The following CSMD1 variants were observed in gnomAD, a reference collection of about 807,000 sequenced individuals.
The protein encoded by CSMD1 is CUB and Sushi multiple domains 1.
Under a neutral mutation model 417.5 loss-of-function variants are expected in CSMD1, and 213 were observed. The observed-to-expected ratio is 0.51, with a 90% CI of 0.46 to 0.57. The LOEUF (loss-of-function observed/expected upper bound fraction) is 0.57, where lower values mean the gene tolerates loss of function less well. Among genes scored for constraint, CSMD1 ranks in the 20% least tolerant of loss-of-function variants. CSMD1 has a pLI of 0.00. For synonymous variants in CSMD1, 2,862 were observed against 1,736.8 expected (o/e 1.65, Z -16.11); for missense variants, 6,923 against 4,529.7 (o/e 1.53, Z -15.17).
At chr8:4,133,233 G>C (rs958186690) in intron 3 of CSMD1, among the ~76,000 whole-genome samples, 2 of 152,134 alleles carry the variant, frequency 1.3e-5, no homozygotes, top group African/African-American at 4.8e-5. Flanking sequence ...ACCATGCCCA[G>C]CTGGTAAACA....
rs760945321 is a variant in CSMD1 at position 3,151,370 on chromosome 8, T to A, written c.6031+27A>T. The stretch of plus-strand genomic sequence containing the variant: ...AGATGGAAATGAAAAAAATGAACTT[T>A]TAGGAATTGGTAACATTTTCACTTA... On this transcript the variant is annotated intron_variant, in intron 40 of 69. Coordinates refer to ENST00000635120, the MANE Select transcript of CSMD1 (RefSeq NM_033225.6). The A allele has an allele frequency of 3.3e-5, 48 of 1,452,842 alleles. No individual in the cohort carries two copies. In the Middle Eastern group the frequency reaches 6.9e-4, roughly 21 times the overall value. 90.0% of individuals were successfully genotyped at this position (1,452,842 alleles called of 1,614,324 possible).
At chr8:3,740,655 G>A (rs952561951) in intron 6 of CSMD1, among the ~76,000 whole-genome samples, 5 of 152,188 alleles carry the variant, frequency 3.3e-5, no homozygotes, top group Non-Finnish European at 5.9e-5. Context: ...GACCTGGGAT[G>A]TAGATTTTAC....
intron 10 of CSMD1, among the ~76,000 whole-genome samples, chr8:3,516,334 G>A (rs910742098): frequency 1.3e-5 from 2 of 152,322 alleles, no homozygotes; most frequent in African/African-American, 2.4e-5. Context: ...CATAGCAGAT[G>A]AATAGACTTC....
intron 2 of CSMD1, among the ~76,000 whole-genome samples, chr8:4,602,830 C>CTAAT (rs1800664703): frequency 4.6e-5 from 7 of 151,720 alleles, no homozygotes; most frequent in Non-Finnish European, 2.9e-5. Context: ...TGACTTTATC[C>CTAAT]TGTATTAATA....
At chr8:3,260,069 A>C (rs1800943382) in intron 26 of CSMD1, among the ~76,000 whole-genome samples, 1 of 152,148 alleles carries the variant, frequency 6.6e-6, no homozygotes, top group South Asian at 2.1e-4. Context: ...ATAATTATGA[A>C]ATAATTTTTT....
chr8:3,933,413 A>G (rs1271555747), intron 5 of CSMD1, among the ~76,000 whole-genome samples: 1 of 152,222 alleles, frequency 6.6e-6, no homozygotes, highest in Non-Finnish European at 1.5e-5. Context: ...CAGGACTTGT[A>G]TGTATGACAG....
intron 3 of CSMD1, among the ~76,000 whole-genome samples, chr8:4,180,751 T>G (rs7835785): frequency 0.29 from 44,477 of 151,946 alleles, 6,755 homozygotes; most frequent in South Asian, 0.42. Flanking sequence ...ACTGTTAGAA[T>G]TCCTTCTTAT....
intron 1 of CSMD1, among the ~76,000 whole-genome samples, chr8:4,751,064 AG>A (rs1180311256): frequency 1.3e-5 from 2 of 152,122 alleles, no homozygotes; most frequent in Non-Finnish European, 2.9e-5. Flanking sequence ...CACCAGGTAA[AG>A]TTTGATATAC....
chr8:3,339,580 C>G (rs1807506059), intron 23 of CSMD1, among the ~76,000 whole-genome samples: 1 of 152,176 alleles, frequency 6.6e-6, no homozygotes, highest in South Asian at 2.1e-4. Context: ...GGTCCATGTA[C>G]CGGAAACCCT....
intron 3 of CSMD1, among the ~76,000 whole-genome samples, chr8:4,195,298 A>T (rs1799265426): frequency 6.6e-6 from 1 of 152,150 alleles, no homozygotes; most frequent in Non-Finnish European, 1.5e-5. Context: ...CACAATCATA[A>T]TATTAATAGG....
chr8:4,424,092 T>C (rs746089661), intron 2 of CSMD1, among the ~76,000 whole-genome samples: 35 of 152,026 alleles, frequency 2.3e-4, no homozygotes, highest in Admixed American at 9.2e-4. Flanking sequence ...AATTAGACTC[T>C]TAGGAAAAAA....
At chr8:3,940,239 G>C (rs998518647) in intron 5 of CSMD1, among the ~76,000 whole-genome samples, 1 of 151,882 alleles carries the variant, frequency 6.6e-6, no homozygotes, top group African/African-American at 2.4e-5. Context: ...AGTTAATTTT[G>C]CCTACAGAAG....
intron 10 of CSMD1, among the ~76,000 whole-genome samples, chr8:3,513,665 A>G (rs548429390): frequency 3.9e-5 from 6 of 152,282 alleles, no homozygotes; most frequent in African/African-American, 9.6e-5. Flanking sequence ...ACCAGCCAAT[A>G]TGCCAGCAGG....
chr8:4,009,112 G>A (rs182925604), intron 4 of CSMD1, among the ~76,000 whole-genome samples: 7 of 152,224 alleles, frequency 4.6e-5, no homozygotes, highest in Admixed American at 4.6e-4. Flanking sequence ...AAAAATGGTT[G>A]AACACCACTG....
intron 1 of CSMD1, among the ~76,000 whole-genome samples, chr8:4,737,401 T>C (rs946536744): frequency 2.6e-5 from 4 of 152,100 alleles, no homozygotes; most frequent in Non-Finnish European, 4.4e-5. Context: ...CTAGGTTTAA[T>C]ATCTGGGTGA....
intron 52 of CSMD1, among the ~76,000 whole-genome samples, chr8:3,005,738 C>G (rs1161762705): frequency 6.6e-6 from 1 of 152,148 alleles, no homozygotes; most frequent in Admixed American, 6.5e-5. Flanking sequence ...ATGCTAAAAA[C>G]TCTCAATAAA....
chr8:3,914,998 C>T (rs1465717147), intron 5 of CSMD1, among the ~76,000 whole-genome samples: 2 of 152,130 alleles, frequency 1.3e-5, no homozygotes, highest in Non-Finnish European at 2.9e-5. Flanking sequence ...AGCCTTCACA[C>T]ACATACAAGT....
chr8:4,250,296 T>G (rs1445053263), intron 3 of CSMD1, among the ~76,000 whole-genome samples: 1 of 152,158 alleles, frequency 6.6e-6, no homozygotes, highest in Non-Finnish European at 1.5e-5. Context: ...CAGCTCAGCT[T>G]AGGAGTCCTG....
At chr8:3,369,398 A>G (rs1423746875) in intron 18 of CSMD1, 28 bp from the exon 19 acceptor site, 1 of 1,024,662 alleles carries the variant, frequency 9.8e-7, no homozygotes, top group Admixed American at 2.0e-5. Flanking sequence ...AGATGATTAC[A>G]GCACTAAAGT....
Sources: gnomAD v4.1 joint callset for allele counts (sites outside exome capture counted in the v4.1 genomes callset) on GRCh38, gnomAD v4.1.1 for gene constraint, MANE v1.5 for transcripts, NCBI Gene and HGNC (gene_info 2026-07-23, HGNC 2026-07-21) for gene names.